Variants in CAPZB observed in about 807,000 individuals in gnomAD.
CAPZB encodes the protein capping actin protein of muscle Z-line subunit beta, also known as F-actin-capping protein subunit beta.
A neutral mutation model predicts 38.1 loss-of-function variants in CAPZB; 2 were observed. The observed-to-expected ratio is 0.05, with a 90% CI of 0.02 to 0.17. CAPZB has a LOEUF of 0.17. Among genes scored for constraint, CAPZB ranks in the 10% least tolerant of loss-of-function variants. The pLI is 1.00. For synonymous variants in CAPZB, 107 were observed against 127.4 expected, an observed-to-expected ratio of 0.84 and a Z score of 1.08; for missense variants, 161 against 334.2, an observed-to-expected ratio of 0.48 and a Z score of 4.04.
At chr1:19,373,227 C>T (rs959859944) in intron 4 of CAPZB, among the ~76,000 whole-genome samples, 7 of 152,116 alleles carry the variant, frequency 4.6e-5, no homozygotes, top group Non-Finnish European at 8.8e-5. Flanking sequence ...TGAGGACACA[C>T]GGCTCAGCCC....
intron 6 of CAPZB, among the ~76,000 whole-genome samples, chr1:19,355,395 TGAGGCAGGAGAATCGCTTGAACCCGG>T (rs2094015070): frequency 1.3e-5 from 2 of 150,900 alleles, no homozygotes; most frequent in Non-Finnish European, 2.9e-5. Flanking sequence ...CTCGGGAGGC[TGAGGCAGGAGAATCGCTTGAACCCGG>T]GAGGCAGAGA....
intron 2 of CAPZB, among the ~76,000 whole-genome samples, chr1:19,388,033 T>C (rs1331131674): frequency 6.6e-6 from 1 of 152,180 alleles, no homozygotes; most frequent in Non-Finnish European, 1.5e-5. Context: ...GAGGATCCGG[T>C]GCTTCACCCC....
At chr1:19,354,083 T>A (rs1458245951) in intron 6 of CAPZB, among the ~76,000 whole-genome samples, 1 of 152,218 alleles carries the variant, frequency 6.6e-6, no homozygotes, top group Non-Finnish European at 1.5e-5. Flanking sequence ...AGTAGCATAT[T>A]TTTTTCTCAC....
rs558677477 is a variant in CAPZB at position 19,353,293 on chromosome 1, G to A, written c.588+3342C>T. On this transcript the variant is annotated intron_variant, in intron 6 of 8. Coordinates refer to ENST00000264202, the MANE Select transcript of CAPZB (RefSeq NM_004930.5). ...ACACACGTGGGGCAAGGGCATGTGA[G>A]CGTGGGTGACCTGGATGAGGCCAGG... Among the ~76,000 whole-genome samples the A allele has an allele frequency of 1.2e-4, 18 of 152,306 alleles. No individual in the cohort carries two copies. In the East Asian group the frequency reaches 3.3e-3, roughly 28 times the overall value.
chr1:19,385,707 A>G (rs770362321), intron 2 of CAPZB, 81 bp from the exon 3 acceptor site: 33 of 1,563,890 alleles, frequency 2.1e-5, no homozygotes, highest in Non-Finnish European at 2.7e-5. Flanking sequence ...CTGCAGCCAT[A>G]TTGTGGTCAG....
chr1:19,384,358 T>C (rs561701440), intron 3 of CAPZB, among the ~76,000 whole-genome samples: 1 of 152,288 alleles, frequency 6.6e-6, no homozygotes, highest in Non-Finnish European at 1.5e-5. Flanking sequence ...CCTGGACCTT[T>C]TCATCCTCCA....
chr1:19,340,539 A>G (rs904921346), intron 8 of CAPZB, among the ~76,000 whole-genome samples: 5 of 152,202 alleles, frequency 3.3e-5, no homozygotes, highest in Admixed American at 6.5e-5. Flanking sequence ...GGAAGTCTCA[A>G]CTATCAACCC....
At chr1:19,484,701 A>G in intron 1 of CAPZB, 1 of 1,098,954 alleles carries the variant, frequency 9.1e-7, no homozygotes, top group Non-Finnish European at 1.1e-6. Flanking sequence ...AGGGGGCAGG[A>G]CCCTGATGAG....
chr1:19,456,299 G>A lies in CAPZB; in HGVS notation c.3+29137C>T, dbSNP rs533832794. ...AAGAGAGAAGCAAGAGCTTTGAGAA[G>A]TAAACAAAAGAAATTTTAAAATAAT... On this transcript the variant is annotated intron_variant, in intron 1 of 8. Transcript: ENST00000264202. 2.0e-5 allele frequency among the ~76,000 whole-genome samples: 3 copies of A among 152,306 alleles called. No individual in the cohort carries two copies. The South Asian group carries it at 6.2e-4, about 32-fold the overall frequency.
At chr1:19,479,992 C>A (rs963776214) in intron 1 of CAPZB, among the ~76,000 whole-genome samples, 3 of 152,130 alleles carry the variant, frequency 2.0e-5, no homozygotes, top group Non-Finnish European at 4.4e-5. Context: ...CACACTCTTC[C>A]CAGGCTTCAT....
chr1:19,482,745 C>G (rs2094634259), intron 1 of CAPZB, among the ~76,000 whole-genome samples: 1 of 152,206 alleles, frequency 6.6e-6, no homozygotes, highest in Admixed American at 6.5e-5. Flanking sequence ...AGAGATCTAG[C>G]TGTATTCTCT....
intron 1 of CAPZB, among the ~76,000 whole-genome samples, chr1:19,456,757 T>G (rs1315807716): frequency 2.0e-5 from 3 of 152,192 alleles, no homozygotes; most frequent in Non-Finnish European, 1.5e-5. Context: ...CAGGGGCTGC[T>G]CAGATCACAG....
chr1:19,357,331 C>G lies in CAPZB; in HGVS notation c.471+91G>C, dbSNP rs909267094. ...TAGGGGTTCAGAGATCACAGCATCC[C>G]CCTACTGCATCTGTTAGAGAGCAGC... On this transcript the variant is annotated intron_variant, in intron 5 of 8. Transcript: ENST00000264202. The surrounding 1 kb of genome is among the most constrained non-coding windows in gnomAD (Gnocchi z 4.3). The G allele has an allele frequency of 3.4e-6, 4 of 1,183,492 alleles. No individual in the cohort carries two copies. The highest frequency in any genetic ancestry group is 4.9e-6 in the Non-Finnish European group (4 of 808,792). 73.3% of individuals were successfully genotyped at this position (1,183,492 alleles called of 1,614,324 possible).
chr1:19,463,405 A>G (rs1267311704), intron 1 of CAPZB, among the ~76,000 whole-genome samples: 1 of 152,252 alleles, frequency 6.6e-6, no homozygotes, highest in Non-Finnish European at 1.5e-5. Flanking sequence ...CTGCTTCTGC[A>G]AAACACCTGT....
intron 1 of CAPZB, among the ~76,000 whole-genome samples, chr1:19,457,530 G>A (rs558135672): frequency 1.3e-5 from 2 of 152,270 alleles, no homozygotes; most frequent in African/African-American, 4.8e-5. Context: ...GGAGAGAAAT[G>A]ACATTGCAAC....
At chr1:19,380,420 T>TGGGCCATCGCACACC (rs1553273581) in intron 3 of CAPZB, among the ~76,000 whole-genome samples, 1 of 152,228 alleles carries the variant, frequency 6.6e-6, no homozygotes, top group African/African-American at 2.4e-5. Context: ...ATGGTCACAC[T>TGGGCCATCGCACACC]GGGCCATCGC....
intron 2 of CAPZB, among the ~76,000 whole-genome samples, chr1:19,407,347 C>G (rs1168826810): frequency 1.3e-5 from 2 of 152,060 alleles, no homozygotes; most frequent in East Asian, 3.9e-4. Context: ...GAAAGCAGTC[C>G]CAGGAGAGGC....
At chr1:19,453,541 G>A (rs1232841115) in intron 1 of CAPZB, among the ~76,000 whole-genome samples, 1 of 152,166 alleles carries the variant, frequency 6.6e-6, no homozygotes, top group Non-Finnish European at 1.5e-5. Flanking sequence ...GACTACAGGC[G>A]TGAGCCACTG....
At chr1:19,451,233 C>T (rs2094514989) in intron 1 of CAPZB, among the ~76,000 whole-genome samples, 2 of 152,146 alleles carry the variant, frequency 1.3e-5, no homozygotes, top group African/African-American at 4.8e-5. Flanking sequence ...TGGAAATGCC[C>T]AGGGTCCACA....
Sources: allele counts gnomAD v4.1 joint callset (sites outside exome capture counted in the v4.1 genomes callset), GRCh38; gene constraint gnomAD v4.1.1; non-coding constraint Gnocchi (gnomAD v3.1); transcripts MANE v1.5; gene names NCBI Gene and HGNC (gene_info 2026-07-23, HGNC 2026-07-21).